VPS35L: variants seen among roughly 807,000 people sequenced by gnomAD.
VPS35L encodes VPS35 endosomal protein-sorting factor-like.
A neutral mutation model predicts 133.0 loss-of-function variants in VPS35L; 83 were observed. The ratio of observed to expected loss-of-function variants is 0.62; its 90% CI spans 0.52 to 0.75. VPS35L has a LOEUF of 0.75. Among genes scored for constraint, VPS35L ranks in the 30% least tolerant of loss-of-function variants. The probability of loss-of-function intolerance (pLI) is 0.00; values close to 1 mark genes in which losing one functional copy is unlikely to be tolerated. For synonymous variants in VPS35L, 423 were observed against 449.9 expected (o/e 0.94, Z 0.76); for missense variants, 1,083 against 1,206.8 (o/e 0.90, Z 1.52).
chr16:19,666,920 CTTTCTTT>C lies in VPS35L; in HGVS notation c.2222-2239_2222-2233del, dbSNP rs61128713. 2.5e-3 allele frequency among the ~76,000 whole-genome samples: 273 copies of C among 111,428 alleles called. 1 individual carries two copies. The highest frequency in any genetic ancestry group is 0.014 in the East Asian group (52 of 3,824). 73.1% of individuals were successfully genotyped at this position (111,428 alleles called of 152,430 possible). Reference sequence around the variant, plus strand: ...TCTTTCTTTCTTTCTTTCTTTCTTTCTTTCTTTCTTTCTTCCTTTCTTCCTTTCTTCC... The same window carrying C: ...TCTTTCTTTCTTTCTTTCTTTCTTTCCTTTCTTCCTTTCTTCCTTTCTTCC... On this transcript the variant is annotated intron_variant, in intron 26 of 30. Transcript: ENST00000417362.
chr16:19,588,237 A>C (rs755843473), intron 7 of VPS35L, among the ~76,000 whole-genome samples: 5 of 152,022 alleles, frequency 3.3e-5, no homozygotes, highest in Non-Finnish European at 5.9e-5. Flanking sequence ...GCTGGAGTGC[A>C]GTGGCATCAT....
intron 23 of VPS35L, among the ~76,000 whole-genome samples, chr16:19,646,757 G>T (rs1038776180): frequency 8.5e-5 from 13 of 152,100 alleles, no homozygotes; most frequent in Non-Finnish European, 1.6e-4. Context: ...AGGGGACCCA[G>T]TCTGGAGGGG....
intron 2 of VPS35L, among the ~76,000 whole-genome samples, chr16:19,566,447 G>GC (rs1275840789): frequency 6.6e-6 from 1 of 152,186 alleles, no homozygotes; most frequent in Admixed American, 6.5e-5. Flanking sequence ...AGTGAGCTAA[G>GC]ATCACGCCAC....
intron 27 of VPS35L, 88 bp from the exon 28 acceptor site, chr16:19,682,137 G>C (rs1338187968): frequency 4.2e-6 from 6 of 1,414,082 alleles, no homozygotes; most frequent in Non-Finnish European, 5.9e-6. Context: ...CAGCTGCTGC[G>C]GGAGGATCTG....
intron 28 of VPS35L, among the ~76,000 whole-genome samples, chr16:19,685,416 A>G (rs915479749): frequency 1.5e-4 from 23 of 152,198 alleles, no homozygotes; most frequent in Admixed American, 7.9e-4. Context: ...GGATGTACCA[A>G]AATTGATTCA....
intron 3 of VPS35L, among the ~76,000 whole-genome samples, chr16:19,572,287 G>A (rs1038184480): frequency 2.6e-5 from 4 of 152,178 alleles, no homozygotes; most frequent in African/African-American, 4.8e-5. Context: ...GTGTGGTGGC[G>A]GGCACCTGTA....
intron 4 of VPS35L, among the ~76,000 whole-genome samples, chr16:19,574,341 G>T (rs566609589): frequency 1.3e-5 from 2 of 152,306 alleles, no homozygotes; most frequent in Admixed American, 1.3e-4. Flanking sequence ...CATTTAGGAA[G>T]ACTTCTTGGG....
At chr16:19,649,044 A>T (rs1332214155) in intron 24 of VPS35L, among the ~76,000 whole-genome samples, 3 of 151,732 alleles carry the variant, frequency 2.0e-5, no homozygotes, top group Admixed American at 6.6e-5. Context: ...GCTAGAGTGC[A>T]ATGGTGCGAT....
At position 19,637,575 on chromosome 16, in the gene VPS35L, T is replaced by C; in HGVS notation, c.1636-19T>C. 6.7e-7 allele frequency: 1 copy of C among 1,483,080 alleles called. No individual in the cohort carries two copies. 91.9% of individuals were successfully genotyped at this position (1,483,080 alleles called of 1,614,324 possible). Reference sequence around the variant, plus strand: ...AATTAAGTTTTTAAAAATAATATTTTTGTTTGTTTGTTTTACAGCTTCAGT... The same window carrying C: ...AATTAAGTTTTTAAAAATAATATTTCTGTTTGTTTGTTTTACAGCTTCAGT... On this transcript the variant is annotated intron_variant, in intron 19 of 30. Coordinates refer to ENST00000417362, the MANE Select transcript of VPS35L (RefSeq NM_020314.7).
intron 26 of VPS35L, among the ~76,000 whole-genome samples, chr16:19,667,734 G>GAAA (rs561897457): frequency 8.8e-6 from 1 of 113,764 alleles, no homozygotes; most frequent in Non-Finnish European, 1.9e-5. Flanking sequence ...ACCCTGTCTG[G>GAAA]AAAAAAAAAA....
intron 3 of VPS35L, among the ~76,000 whole-genome samples, chr16:19,570,879 A>G (rs1444979043): frequency 8.7e-5 from 5 of 57,638 alleles, no homozygotes; most frequent in Admixed American, 4.2e-4. Flanking sequence ...ATATATATAT[A>G]TATATATATA....
chr16:19,627,778 A>G lies in VPS35L; in HGVS notation c.1356A>G (p.Lys452=). ...TRSMDFIGMI[K]ECDESGFPKH... is the part of the protein sequence containing the mutation. ...CTATGGATTTCATTGGCATGATTAA[A>G]GAGTGTGATGAATCTGGTTTCCCCA... Residue 452 remains lysine (K), a synonymous_variant, in exon 16 of 31, where the codon AAA becomes AAG. Coordinates refer to ENST00000417362, the MANE Select transcript of VPS35L (RefSeq NM_020314.7). 1 of 1,613,524 alleles carries G rather than the reference A, an allele frequency of 6.2e-7. No individual in the cohort carries two copies. The highest frequency in any genetic ancestry group is 8.5e-7 in the Non-Finnish European group (1 of 1,179,430).
chr16:19,605,491 A>G (rs768334680), intron 9 of VPS35L, among the ~76,000 whole-genome samples: 18 of 152,330 alleles, frequency 1.2e-4, no homozygotes, highest in Non-Finnish European at 2.4e-4. Flanking sequence ...TCAGCCCTGT[A>G]TGAACTGGCT....
At chr16:19,555,816 T>C in intron 1 of VPS35L, 70 bp downstream of exon 1, 1 of 1,513,620 alleles carries the variant, frequency 6.6e-7, no homozygotes, top group Non-Finnish European at 8.8e-7. Context: ...GGCCTGGGTC[T>C]GAGAGTGTGA....
chr16:19,656,200 G>A (rs951671756), intron 26 of VPS35L, among the ~76,000 whole-genome samples: 1 of 148,792 alleles, frequency 6.7e-6, no homozygotes, highest in African/African-American at 2.5e-5. Flanking sequence ...GGAGGCAGAG[G>A]TTACAGTGAG....
At chr16:19,618,261 A>G (rs1228456602) in intron 14 of VPS35L, among the ~76,000 whole-genome samples, 3 of 151,972 alleles carry the variant, frequency 2.0e-5, no homozygotes, top group African/African-American at 7.3e-5. Context: ...ACAGAAAAGA[A>G]AAAAAAAGGA....
chr16:19,575,419 T>G (rs1002978731), intron 5 of VPS35L, among the ~76,000 whole-genome samples: 1 of 151,388 alleles, frequency 6.6e-6, no homozygotes, highest in African/African-American at 2.4e-5. Flanking sequence ...TACAAAAATT[T>G]GCTGGGCGTG....
intron 21 of VPS35L, among the ~76,000 whole-genome samples, chr16:19,640,571 G>A (rs1973756857): frequency 6.6e-6 from 1 of 152,162 alleles, no homozygotes; most frequent in South Asian, 2.1e-4. Flanking sequence ...CATCTTCAGT[G>A]TTTAGTTATG....
chr16:19,601,874 T>A, intron 9 of VPS35L, 151 bp downstream of exon 9: 1 of 740,904 alleles, frequency 1.3e-6, no homozygotes, highest in Non-Finnish European at 2.1e-6. Context: ...TCTGATCACC[T>A]CAGTCTTCTA....
Sources: gnomAD v4.1 joint callset for allele counts (sites outside exome capture counted in the v4.1 genomes callset) on GRCh38, gnomAD v4.1.1 for gene constraint, MANE v1.5 for transcripts, NCBI Gene and HGNC (gene_info 2026-07-23, HGNC 2026-07-21) for gene names.